The following PAX9 variants were observed in gnomAD, a reference collection of about 807,000 sequenced individuals.
PAX9 encodes paired box protein Pax-9.
A neutral mutation model predicts 29.1 loss-of-function variants in PAX9; 6 were observed. That is an observed-to-expected ratio of 0.21 (90% CI 0.11 to 0.41). The LOEUF is 0.41. PAX9 is among the 10% of genes least tolerant of loss of function. The pLI is 1.00. For missense variants in PAX9, 443 were observed against 479.1 expected, an observed-to-expected ratio of 0.92 and a Z score of 0.70; for synonymous variants, 217 against 211.7, an observed-to-expected ratio of 1.03 and a Z score of -0.22.
intron 2 of PAX9, chr14:36,666,016 C>A (rs1464009081): frequency 5.3e-6 from 1 of 189,996 alleles, no homozygotes; most frequent in Non-Finnish European, 1.1e-5. Context: ...TTAGGTCAGA[C>A]GCTCCTCTCT....
chr14:36,662,204 A>G (rs1023687085), intron 1 of PAX9, 111 bp downstream of exon 1: 1 of 1,212,968 alleles, frequency 8.2e-7, no homozygotes, highest in Non-Finnish European at 1.1e-6. Context: ...AGGCGCTCAC[A>G]TTCTCTATTG....
At chr14:36,666,173 A>C in intron 2 of PAX9, 1 of 438,398 alleles carries the variant, frequency 2.3e-6, no homozygotes, top group African/African-American at 2.0e-5. Context: ...TGGGAGAGCA[A>C]AGGGGCGAAG....
chr14:36,662,680 C>G, intron 1 of PAX9: 1 of 611,890 alleles, frequency 1.6e-6, no homozygotes, highest in Non-Finnish European at 2.8e-6. Context: ...GTAGGGGCCT[C>G]CGGCACGGCA....
Position 36,678,384 on chromosome 14 carries a change from T to C in PAX9, c.*1932T>C. On this transcript the variant is annotated 3_prime_UTR_variant, in exon 4 of 4. Transcript: ENST00000361487. ...ATTCAGTGCTACAAATAGAGGATTA[T>C]AACTTCAGGAGAAGAATAAGCAGAA... 1 of 1,044,766 alleles carries C rather than the reference T, an allele frequency of 9.6e-7. No individual in the cohort carries two copies. Among genetic ancestry groups the C allele is most frequent in the South Asian group, 1.4e-5 (1 of 73,396 alleles). The allele number at this position is 1,044,766 out of a possible 1,614,324, so 64.7% of individuals were successfully genotyped here. A position where few individuals can be genotyped will look rare whatever the true frequency, so the allele number is the denominator to read the frequency against.
Position 36,662,033 on chromosome 14 carries a change from G to A in PAX9, c.-57G>A. ...CAGGCCGGGCCACTGAGGCGGTGCG[G>A]AAAGTTTCTGTCTGGGAGTGCGGAA... On this transcript the variant is annotated 5_prime_UTR_variant, in exon 1 of 4. Coordinates refer to ENST00000361487, the MANE Select transcript of PAX9 (RefSeq NM_001372076.1). 3.2e-6 allele frequency: 5 copies of A among 1,555,970 alleles called. No homozygotes were observed. Among genetic ancestry groups the A allele is most frequent in the East Asian group, 2.4e-5 (1 of 41,424 alleles).
chr14:36,662,125 G>A, intron 1 of PAX9, 32 bp downstream of exon 1: 2 of 1,519,848 alleles, frequency 1.3e-6, no homozygotes, highest in Non-Finnish European at 1.8e-6. Context: ...TGTCAGAGCC[G>A]GGAAGGGAGG....
rs1881903718 is a variant in PAX9 at position 36,676,611 on chromosome 14, A to T, written c.*159A>T. 1 of 806,046 alleles carries T rather than the reference A, an allele frequency of 1.2e-6. No individual in the cohort carries two copies. The highest frequency in any genetic ancestry group is 1.7e-5 in the African/African-American group (1 of 58,772). The allele number at this position is 806,046 out of a possible 1,614,324, so 49.9% of individuals were successfully genotyped here. On this transcript the variant is annotated 3_prime_UTR_variant, in exon 4 of 4. Coordinates refer to ENST00000361487, the MANE Select transcript of PAX9 (RefSeq NM_001372076.1). ...CATCCTTTGTGCTAATGACACTTAC[A>T]TATTTCTTGCCATAACTTTTCTCTT...
At chr14:36,667,730 G>T (rs186318330) in intron 3 of PAX9, among the ~76,000 whole-genome samples, 4 of 152,106 alleles carry the variant, frequency 2.6e-5, no homozygotes, top group African/African-American at 9.6e-5. Flanking sequence ...CATATTAGTG[G>T]CTCTCCAATG....
Position 36,678,933 on chromosome 14 carries a change from T to C in PAX9, c.*2481T>C. Reference sequence around the variant, plus strand: ...AATACGAGAAGGAAAATAGGATGGATTAAAGGGTTAACTTTTAAAGATTAT... The same window carrying C: ...AATACGAGAAGGAAAATAGGATGGACTAAAGGGTTAACTTTTAAAGATTAT... On this transcript the variant is annotated 3_prime_UTR_variant, in exon 4 of 4. Transcript: ENST00000361487. 1 of 980,764 alleles carries C rather than the reference T, an allele frequency of 1.0e-6. No individual in the cohort carries two copies. Among genetic ancestry groups the C allele is most frequent in the Non-Finnish European group, 1.2e-6 (1 of 825,500 alleles). 60.8% of individuals were successfully genotyped at this position (980,764 alleles called of 1,614,324 possible).
In PAX9 at chr14:36,676,179, T is replaced by G; in HGVS notation, c.772-19T>G. 17 of 1,613,904 alleles carry G rather than the reference T, an allele frequency of 1.1e-5. No individual in the cohort carries two copies. Among genetic ancestry groups the G allele is most frequent in the Non-Finnish European group, 1.4e-5 (17 of 1,179,780 alleles). The stretch of plus-strand genomic sequence containing the variant: ...TCCTATAATGTGATTATTTTTCACT[T>G]CTTTTCTACTCCTCTCAGGCACCAA... On this transcript the variant is annotated intron_variant, in intron 3 of 3. Transcript: ENST00000361487.
chr14:36,672,804 C>G (rs1239671501), intron 3 of PAX9, among the ~76,000 whole-genome samples: 6 of 132,978 alleles, frequency 4.5e-5, no homozygotes, highest in African/African-American at 1.7e-4. Context: ...TTTAAGCAAA[C>G]GTTTTAGCCT....
At position 36,678,953 on chromosome 14, in the gene PAX9, G is replaced by GATT; in HGVS notation, c.*2508_*2510dup. ...ATGGATTAAAGGGTTAACTTTTAAAGATTATTATTGGTTAATGTTGACATA... is the reference window on the plus strand; with the variant it reads ...ATGGATTAAAGGGTTAACTTTTAAAGATTATTATTATTGGTTAATGTTGACATA... On this transcript the variant is annotated 3_prime_UTR_variant, in exon 4 of 4. Coordinates refer to ENST00000361487, the MANE Select transcript of PAX9 (RefSeq NM_001372076.1). 1.0e-6 allele frequency: 1 copy of GATT among 981,746 alleles called. No individual in the cohort carries two copies. The highest frequency in any genetic ancestry group is 1.2e-6 in the Non-Finnish European group (1 of 826,502). The allele number at this position is 981,746 out of a possible 1,614,324, so 60.8% of individuals were successfully genotyped here.
chr14:36,664,814 G>A (rs574213689), intron 2 of PAX9, among the ~76,000 whole-genome samples: 3 of 152,028 alleles, frequency 2.0e-5, no homozygotes, highest in Non-Finnish European at 4.4e-5. Flanking sequence ...TTAAAGCAGG[G>A]CTCTGATTTC....
chr14:36,666,323 G>C, intron 2 of PAX9, 139 bp from the exon 3 acceptor site: 2 of 1,123,318 alleles, frequency 1.8e-6, no homozygotes, highest in South Asian at 3.2e-5. Context: ...GCTGGGCCCA[G>C]CGCCCTCGGG....
At position 36,678,792 on chromosome 14, in the gene PAX9, G is replaced by GAAGT; in HGVS notation, c.*2341_*2344dup. ...TAAAAAATCTAATATTAATGGTATT[G>GAAGT]AAGTTTCCTTTTCTCCCTCTAGGTC... On this transcript the variant is annotated 3_prime_UTR_variant, in exon 4 of 4. Transcript: ENST00000361487. 9.7e-7 allele frequency: 1 copy of GAAGT among 1,029,404 alleles called. No homozygotes were observed. The highest frequency in any genetic ancestry group is 1.2e-6 in the Non-Finnish European group (1 of 848,212). The allele number at this position is 1,029,404 out of a possible 1,614,324, so 63.8% of individuals were successfully genotyped here.
At chr14:36,658,020 T>A (rs891343768), upstream of PAX9, 4 of 152,212 alleles carry the variant, frequency 2.6e-5, no homozygotes, top group African/African-American at 9.7e-5. Flanking sequence ...GCGCAGATCC[T>A]GCAGGGGCCA....
upstream of PAX9, among the ~76,000 whole-genome samples, chr14:36,659,274 A>G (rs984723247): frequency 1.3e-5 from 2 of 152,072 alleles, no homozygotes; most frequent in African/African-American, 2.4e-5. Context: ...CCTTACATTC[A>G]TCGGGACTGA....
At chr14:36,672,531 C>A (rs1488754368) in intron 3 of PAX9, among the ~76,000 whole-genome samples, 3 of 151,932 alleles carry the variant, frequency 2.0e-5, no homozygotes, top group Admixed American at 6.5e-5. Context: ...TGTTATGTGT[C>A]AAAATTAATA....
At position 36,662,898 on chromosome 14, in the gene PAX9, G is replaced by A. The variant is rs770389639; in HGVS notation, c.6G>A (p.Glu2=). Residue 2 remains glutamate (E), a splice_region_variant and synonymous_variant, in exon 2 of 4, where the codon GAG becomes GAA. Transcript: ENST00000361487. ...GCGCGCTGTGTGTTCATTTTGCAGAGCCAGCCTTCGGGGAGGTGAACCAGC... is the reference window on the plus strand; with the variant it reads ...GCGCGCTGTGTGTTCATTTTGCAGAACCAGCCTTCGGGGAGGTGAACCAGC... M[E]PAFGEVNQLG... The A allele has an allele frequency of 2.5e-6, 4 of 1,610,998 alleles. No individual in the cohort carries two copies. The highest frequency in any genetic ancestry group is 1.3e-5 in the African/African-American group (1 of 74,926).
Sources: gnomAD v4.1 joint callset for allele counts (sites outside exome capture counted in the v4.1 genomes callset) on GRCh38, gnomAD v4.1.1 for gene constraint, MANE v1.5 for transcripts, NCBI Gene and HGNC (gene_info 2026-07-23, HGNC 2026-07-21) for gene names.